Variants in RIC1 observed in about 807,000 individuals in gnomAD.
The protein encoded by RIC1 is guanine nucleotide exchange factor subunit RIC1.
RIC1 carries 88 observed loss-of-function variants against 169.0 expected under a neutral mutation model. The ratio of observed to expected loss-of-function variants is 0.52; its 90% CI spans 0.44 to 0.62. RIC1 has a LOEUF of 0.62. Ranked by LOEUF, RIC1 falls within the 20% of genes least tolerant of loss-of-function variation. The pLI is 0.00. For missense variants in RIC1, 1,877 were observed against 1,725.5 expected, an observed-to-expected ratio of 1.09 and a Z score of -1.56; for synonymous variants, 790 against 601.5, an observed-to-expected ratio of 1.31 and a Z score of -4.59.
chr9:5,658,310 ACT>A (rs1230043336), intron 2 of RIC1, among the ~76,000 whole-genome samples: 1 of 152,154 alleles, frequency 6.6e-6, no homozygotes, highest in Non-Finnish European at 1.5e-5. Flanking sequence ...TAGACTAAGC[ACT>A]TATCAGAATG....
At chr9:5,765,625 T>C (rs1826679849) in intron 20 of RIC1, 37 bp from the exon 21 acceptor site, 1 of 1,613,974 alleles carries the variant, frequency 6.2e-7, no homozygotes, top group Non-Finnish European at 8.5e-7. Context: ...ACGTAGCATC[T>C]TTCTCTAATG....
At position 5,765,462 on chromosome 9, in the gene RIC1, A is replaced by C. The variant is rs747367497; in HGVS notation, c.2890A>C (p.Asn964His). Residue 964 changes from asparagine to histidine, a missense_variant, in exon 20 of 26, where the codon AAC becomes CAC. Physicochemically the swap from Asn to His is moderately conservative, Grantham distance 68. Transcript: ENST00000414202. ...VSRQHATLLF[N>H]TALEQGKWDL... ...TAGGCAACATGCTACCCTTCTATTC[A>C]ACACAGCACTAGAACAAGGCAAGTG... 1.2e-6 allele frequency: 2 copies of C among 1,614,050 alleles called. No individual in the cohort carries two copies. Among genetic ancestry groups the C allele is most frequent in the African/African-American group, 2.7e-5 (2 of 74,952 alleles).
At chr9:5,695,918 AC>A (rs1195403631) in intron 3 of RIC1, among the ~76,000 whole-genome samples, 6 of 150,976 alleles carry the variant, frequency 4.0e-5, no homozygotes, top group South Asian at 2.1e-4. Flanking sequence ...TCACTCACTT[AC>A]CCCCTGCCAA....
In RIC1 at chr9:5,697,802, C is replaced by G. The variant is rs537475659; in HGVS notation, c.332+7764C>G. 1.7e-4 allele frequency among the ~76,000 whole-genome samples: 26 copies of G among 152,280 alleles called. No homozygotes were observed. In the South Asian group the frequency reaches 3.5e-3, roughly 21 times the overall value. ...TGGATTCATCCTCATTTATTGTATG[C>G]CTGCTATCTGTAAAACACTTGCTAT... On this transcript the variant is annotated intron_variant, in intron 3 of 25. Coordinates refer to ENST00000414202, the MANE Select transcript of RIC1 (RefSeq NM_020829.4).
chr9:5,743,660 T>C (rs1218153208), intron 9 of RIC1, 29 bp from the exon 10 acceptor site: 4 of 1,550,038 alleles, frequency 2.6e-6, no homozygotes, highest in Non-Finnish European at 3.5e-6. Context: ...TGGAAGGCTG[T>C]ATTATATTTA....
chr9:5,650,120 G>A (rs1563868659), intron 1 of RIC1, among the ~76,000 whole-genome samples: 2 of 152,220 alleles, frequency 1.3e-5, no homozygotes, highest in African/African-American at 4.8e-5. Flanking sequence ...ACACAGGCAT[G>A]GTGTTAGCAG....
intron 1 of RIC1, among the ~76,000 whole-genome samples, chr9:5,655,566 G>A (rs553949512): frequency 4.6e-5 from 7 of 152,346 alleles, no homozygotes; most frequent in Admixed American, 6.5e-5. Context: ...CTCCCAAAGT[G>A]CTGGGATTAC....
intron 3 of RIC1, among the ~76,000 whole-genome samples, chr9:5,700,503 G>A (rs1306591343): frequency 1.3e-5 from 2 of 151,752 alleles, no homozygotes; most frequent in African/African-American, 2.4e-5. Context: ...AAATCTATTC[G>A]TAAATCTAGC....
chr9:5,666,667 T>C (rs891486727), intron 2 of RIC1, among the ~76,000 whole-genome samples: 1 of 152,264 alleles, frequency 6.6e-6, no homozygotes, highest in Non-Finnish European at 1.5e-5. Flanking sequence ...ATCCTGTTAA[T>C]GTAGTGTATT....
chr9:5,771,843 A>G (rs1316753463), intron 23 of RIC1, among the ~76,000 whole-genome samples: 1 of 152,118 alleles, frequency 6.6e-6, no homozygotes, highest in Non-Finnish European at 1.5e-5. Context: ...TTACATCACT[A>G]ATGGCCACAT....
At chr9:5,720,543 T>C in intron 5 of RIC1, 71 bp from the exon 6 acceptor site, 1 of 1,437,830 alleles carries the variant, frequency 7.0e-7, no homozygotes, top group Non-Finnish European at 9.4e-7. Flanking sequence ...TTACAGGTTT[T>C]TCTGGCAAAA....
intron 6 of RIC1, among the ~76,000 whole-genome samples, chr9:5,731,778 G>T (rs181845758): frequency 6.6e-6 from 1 of 152,206 alleles, no homozygotes; most frequent in Admixed American, 6.5e-5. Flanking sequence ...TTTAATCTTT[G>T]AAACACCCTG....
intron 10 of RIC1, among the ~76,000 whole-genome samples, chr9:5,744,281 C>T (rs146389401): frequency 3.9e-4 from 60 of 152,116 alleles, no homozygotes; most frequent in African/African-American, 1.4e-3. Flanking sequence ...GTGAAATGCT[C>T]ATTGGGCATT....
chr9:5,765,552 C>A lies in RIC1; in HGVS notation c.2980C>A (p.Pro994Thr), dbSNP rs779573526. The A allele has an allele frequency of 1.1e-5, 18 of 1,610,524 alleles. No individual in the cohort carries two copies. The highest frequency in any genetic ancestry group is 1.4e-5 in the Non-Finnish European group (17 of 1,178,646). The change falls in exon 20 of 26, where the codon CCA (proline) becomes ACA (threonine). Residue 994 changes from proline to threonine, a missense_variant. Physicochemically the swap from Pro to Thr is conservative, Grantham distance 38. This residue lies in a region of RIC1 where 681 missense variants were observed against 582.0 expected (regional missense o/e 1.17). Transcript: ENST00000414202. ...TGGCTCTGGAGAATCTGAGACACCTCCATCCACACCCACAGCTCAGGTTAG... is the reference window on the plus strand; with the variant it reads ...TGGCTCTGGAGAATCTGAGACACCTACATCCACACCCACAGCTCAGGTTAG... ...AIGSGESETP[P>T]STPTAQEPSS...
intron 2 of RIC1, among the ~76,000 whole-genome samples, chr9:5,685,819 T>C (rs1157505751): frequency 1.5e-5 from 2 of 137,622 alleles, no homozygotes; most frequent in Admixed American, 7.3e-5. Flanking sequence ...CAAAAGAAAC[T>C]ACCATCAGAG....
At chr9:5,771,032 A>T (rs1301393435) in intron 23 of RIC1, among the ~76,000 whole-genome samples, 1 of 152,186 alleles carries the variant, frequency 6.6e-6, no homozygotes, top group Non-Finnish European at 1.5e-5. Context: ...CTGCTATGTG[A>T]GGAGGCTTAC....
rs1053819467 is a variant in RIC1, at chr9:5,686,702, C to T, written c.253-3257C>T. On this transcript the variant is annotated intron_variant, in intron 2 of 25. Transcript: ENST00000414202. ...AGATGACGAGTTAGTGGGTGCAGCG[C>T]ACCAGTATGGCACATGTATACATAT... Among the ~76,000 whole-genome samples the T allele has an allele frequency of 2.7e-4, 41 of 151,700 alleles. 1 individual carries two copies. The highest frequency in any genetic ancestry group is 1.3e-4 in the Non-Finnish European group (9 of 67,938).
intron 3 of RIC1, among the ~76,000 whole-genome samples, chr9:5,712,273 T>A (rs1822976313): frequency 1.3e-5 from 2 of 152,216 alleles, no homozygotes; most frequent in South Asian, 4.1e-4. Flanking sequence ...CCATTCTAAC[T>A]GGTGTGAGAT....
chr9:5,766,538 A>T (rs1015685969), intron 21 of RIC1, among the ~76,000 whole-genome samples: 1 of 151,940 alleles, frequency 6.6e-6, no homozygotes, highest in African/African-American at 2.4e-5. Flanking sequence ...CCATTGTATC[A>T]TTCTTATGCC....
Sources: allele counts gnomAD v4.1 joint callset (sites outside exome capture counted in the v4.1 genomes callset), GRCh38; gene constraint gnomAD v4.1.1; regional missense constraint gnomAD v4.1.1; transcripts MANE v1.5; gene names NCBI Gene and HGNC (gene_info 2026-07-23, HGNC 2026-07-21).